The following PIP5K1B variants were observed in gnomAD, a reference collection of about 807,000 sequenced individuals.
PIP5K1B encodes the protein phosphatidylinositol 4-phosphate 5-kinase type-1 beta.
In PIP5K1B, 42 loss-of-function variants were observed where a neutral mutation model predicts 67.0. That is an observed-to-expected ratio of 0.63 (90% confidence interval 0.49 to 0.81). The LOEUF (loss-of-function observed/expected upper bound fraction) is 0.81, where lower values mean the gene tolerates loss of function less well. Among genes scored for constraint, PIP5K1B ranks in the 30% least tolerant of loss-of-function variants. PIP5K1B has a pLI of 0.00. For missense variants in PIP5K1B, 459 were observed against 646.3 expected (o/e 0.71, Z 3.14); for synonymous variants, 214 against 231.4 (o/e 0.92, Z 0.68).
At chr9:68,969,088 G>T (rs1224153355) in intron 14 of PIP5K1B, among the ~76,000 whole-genome samples, 6 of 152,116 alleles carry the variant, frequency 3.9e-5, no homozygotes, top group Non-Finnish European at 7.4e-5. Context: ...TGTAAATGAG[G>T]CCGGGCGCGG....
At chr9:68,791,916 T>C (rs11143731) in intron 2 of PIP5K1B, among the ~76,000 whole-genome samples, 16,592 of 152,284 alleles carry the variant, frequency 0.11, 1,093 homozygotes, top group Non-Finnish European at 0.16. Flanking sequence ...CAGTGTTTTC[T>C]GTATATGCTT....
At chr9:68,814,689 G>A (rs1047422702) in intron 2 of PIP5K1B, among the ~76,000 whole-genome samples, 16 of 152,050 alleles carry the variant, frequency 1.1e-4, no homozygotes, top group South Asian at 8.3e-4. Context: ...GTGTGGTGGC[G>A]TGCACCGGTA....
At chr9:68,880,556 A>AAC (rs35017818) in intron 6 of PIP5K1B, among the ~76,000 whole-genome samples, 9,506 of 118,612 alleles carry the variant, frequency 0.08, 725 homozygotes, top group African/African-American at 0.2. Context: ...CTGCATCTGA[A>AAC]ACACACACAC....
intron 2 of PIP5K1B, among the ~76,000 whole-genome samples, chr9:68,757,972 T>C (rs1830009980): frequency 6.6e-6 from 1 of 152,032 alleles, no homozygotes; most frequent in South Asian, 2.1e-4. Context: ...CTCCACCAAA[T>C]TGACAAAAGA....
chr9:68,757,600 T>C (rs977182258), intron 2 of PIP5K1B, among the ~76,000 whole-genome samples: 43 of 152,180 alleles, frequency 2.8e-4, no homozygotes, highest in African/African-American at 9.7e-4. Context: ...AATTCTTTAA[T>C]ATGACTTTCT....
At chr9:68,740,418 G>A (rs1169210721) in intron 1 of PIP5K1B, among the ~76,000 whole-genome samples, 1 of 152,228 alleles carries the variant, frequency 6.6e-6, no homozygotes, top group African/African-American at 2.4e-5. Flanking sequence ...CTTGGGTTCA[G>A]TGGAAGTTAA....
At chr9:68,947,531 T>A (rs935302165) in intron 14 of PIP5K1B, among the ~76,000 whole-genome samples, 1 of 152,076 alleles carries the variant, frequency 6.6e-6, no homozygotes, top group Non-Finnish European at 1.5e-5. Context: ...AGAGTTGAGA[T>A]AGGATAAAAA....
intron 4 of PIP5K1B, among the ~76,000 whole-genome samples, chr9:68,856,207 C>A (rs144135435): frequency 6.1e-4 from 93 of 152,294 alleles, no homozygotes; most frequent in African/African-American, 2.1e-3. Context: ...TTCCCTGTTA[C>A]CCGACTAATG....
At chr9:68,951,414 T>C (rs1348599197) in intron 14 of PIP5K1B, among the ~76,000 whole-genome samples, 3 of 152,242 alleles carry the variant, frequency 2.0e-5, no homozygotes, top group Non-Finnish European at 4.4e-5. Flanking sequence ...GAAGATTTTT[T>C]GTCTTTTATT....
In PIP5K1B at chr9:68,982,747, G is replaced by A. The variant is rs74329508; in HGVS notation, c.1503-8393G>A. On this transcript the variant is annotated intron_variant, in intron 14 of 15. Transcript: ENST00000265382. ...ACTGCACTCAAGCCTGGGTGACAGC[G>A]AGACTCCATCTCAAAAAAAAAAAAA... Among the ~76,000 whole-genome samples the A allele has an allele frequency of 1.7e-3, 217 of 126,366 alleles. 6 individuals carry two copies. In the East Asian group the frequency reaches 0.047, roughly 27 times the overall value. 82.9% of individuals were successfully genotyped at this position (126,366 alleles called of 152,430 possible).
intron 1 of PIP5K1B, among the ~76,000 whole-genome samples, chr9:68,738,115 G>C (rs1051171311): frequency 1.3e-5 from 2 of 152,180 alleles, no homozygotes; most frequent in Non-Finnish European, 2.9e-5. Context: ...CCAAACTGAA[G>C]CAGGATCCTT....
intron 7 of PIP5K1B, among the ~76,000 whole-genome samples, 183 bp downstream of exon 7, chr9:68,889,316 T>C (rs1274144632): frequency 6.6e-6 from 1 of 152,206 alleles, no homozygotes; most frequent in East Asian, 1.9e-4. Context: ...TAGAACTGAA[T>C]GGCAGAGCAT....
intron 14 of PIP5K1B, among the ~76,000 whole-genome samples, chr9:68,942,179 G>A (rs1314294601): frequency 6.6e-6 from 1 of 152,332 alleles, no homozygotes; most frequent in South Asian, 2.1e-4. Context: ...ATGTAAATTA[G>A]TCAAGCAACG....
chr9:68,738,754 A>G (rs1406303568), intron 1 of PIP5K1B, among the ~76,000 whole-genome samples: 1 of 152,178 alleles, frequency 6.6e-6, no homozygotes, highest in Admixed American at 6.5e-5. Context: ...CTCTCTGAGA[A>G]GGGGCCCCTT....
intron 15 of PIP5K1B, among the ~76,000 whole-genome samples, chr9:68,998,420 C>A (rs182214411): frequency 6.6e-6 from 1 of 152,182 alleles, no homozygotes; most frequent in Non-Finnish European, 1.5e-5. Context: ...TACATCCAGG[C>A]GCGGGTTGCC....
chr9:68,831,785 C>T (rs1834336238), intron 4 of PIP5K1B, among the ~76,000 whole-genome samples: 1 of 152,112 alleles, frequency 6.6e-6, no homozygotes, highest in African/African-American at 2.4e-5. Context: ...AAGCCACTCT[C>T]CTGCCTCAGC....
At chr9:68,888,220 C>T (rs2132377157) in intron 6 of PIP5K1B, among the ~76,000 whole-genome samples, 1 of 152,230 alleles carries the variant, frequency 6.6e-6, no homozygotes, top group East Asian at 1.9e-4. Flanking sequence ...CCTCGTCATC[C>T]ACCCGCCTCA....
rs201766745 is a variant in PIP5K1B, at chr9:68,852,351, G to GC, written c.70-11480dup. ...CCTTGTTACCCGCCTCCCCCACACC[G>GC]CCCCCCAAGCCATAAAAAGGTAAGA... is the stretch of plus-strand genomic sequence containing the variant. On this transcript the variant is annotated intron_variant, in intron 4 of 15. Transcript: ENST00000265382. Among the ~76,000 whole-genome samples, 1,289 of 149,244 alleles carry GC rather than the reference G, an allele frequency of 8.6e-3. 21 individuals are homozygous for GC. Among genetic ancestry groups the GC allele is most frequent in the African/African-American group, 0.028 (1,129 of 40,474 alleles).
chr9:68,848,471 G>A (rs7869689), intron 4 of PIP5K1B, among the ~76,000 whole-genome samples: 9,794 of 152,164 alleles, frequency 0.064, 646 homozygotes, highest in African/African-American at 0.17. Context: ...TCCTCCAAGA[G>A]TCCAGCATCC....
Sources: allele counts gnomAD v4.1 joint callset (sites outside exome capture counted in the v4.1 genomes callset), GRCh38; gene constraint gnomAD v4.1.1; transcripts MANE v1.5; gene names NCBI Gene and HGNC (gene_info 2026-07-23, HGNC 2026-07-21).